Variants in RXRG observed in about 807,000 individuals in gnomAD.
RXRG encodes retinoid X receptor gamma, also known as retinoic acid receptor RXR-gamma.
RXRG carries 19 observed loss-of-function variants against 49.2 expected under a neutral mutation model. That is an observed-to-expected ratio of 0.39 (90% CI 0.27 to 0.57). RXRG has a LOEUF of 0.57. RXRG is among the 20% of genes least tolerant of loss of function. RXRG has a pLI of 0.64. For missense variants in RXRG, 452 were observed against 592.5 expected (o/e 0.76, Z 2.46); for synonymous variants, 224 against 216.6 (o/e 1.03, Z -0.30).
chr1:165,434,272 A>ATATGTGTGTGTG (rs1553223950), intron 1 of RXRG, among the ~76,000 whole-genome samples: 104 of 66,774 alleles, frequency 1.6e-3, no homozygotes, highest in African/African-American at 3.6e-3. Flanking sequence ...AATGAATTGC[A>ATATGTGTGTGTG]TGTGTGTATG....
intron 8 of RXRG, among the ~76,000 whole-genome samples, chr1:165,407,820 T>G (rs1657803538): frequency 6.6e-6 from 1 of 150,446 alleles, no homozygotes; most frequent in African/African-American, 2.4e-5. Flanking sequence ...GAATAAGAAC[T>G]TCATTTTTCC....
In RXRG at chr1:165,445,031, A is replaced by T; in HGVS notation, c.-138T>A. 1.4e-6 allele frequency: 1 copy of T among 735,812 alleles called. No individual in the cohort carries two copies. Among genetic ancestry groups the T allele is most frequent in the Non-Finnish European group, 2.4e-6 (1 of 412,572 alleles). The allele number at this position is 735,812 out of a possible 1,614,324, so 45.6% of individuals were successfully genotyped here. ...CGCTTCCTAGCAGCCCGGGGAGCAC[A>T]GGCTGGGCCAGCCCTCTGGGATTAG... On this transcript the variant is annotated 5_prime_UTR_variant, in exon 1 of 10. Coordinates refer to ENST00000359842, the MANE Select transcript of RXRG (RefSeq NM_006917.5).
chr1:165,402,651 TACAC>T (rs879500174), intron 9 of RXRG, among the ~76,000 whole-genome samples: 37 of 151,758 alleles, frequency 2.4e-4, no homozygotes, highest in Admixed American at 2.2e-3. Flanking sequence ...TACATGCACT[TACAC>T]ACACACCCTC....
chr1:165,412,320 A>G (rs1657980711), intron 4 of RXRG, among the ~76,000 whole-genome samples: 1 of 152,204 alleles, frequency 6.6e-6, no homozygotes, highest in Admixed American at 6.5e-5. Flanking sequence ...TGTCATTGAG[A>G]GAGAGGCAAG....
intron 1 of RXRG, among the ~76,000 whole-genome samples, chr1:165,436,452 T>A (rs1234519241): frequency 2.0e-5 from 3 of 152,212 alleles, no homozygotes; most frequent in Admixed American, 2.0e-4. Context: ...GTTAGCTCCC[T>A]TTATAGAAAA....
chr1:165,442,399 C>A (rs1659035561), intron 1 of RXRG, among the ~76,000 whole-genome samples: 1 of 152,234 alleles, frequency 6.6e-6, no homozygotes, highest in Non-Finnish European at 1.5e-5. Flanking sequence ...TCAAGAATGA[C>A]AAAGAAAAGT....
chr1:165,409,889 T>C (rs1657886595), intron 6 of RXRG, among the ~76,000 whole-genome samples, 199 bp from the exon 7 acceptor site: 2 of 151,872 alleles, frequency 1.3e-5, no homozygotes, highest in Admixed American at 1.3e-4. Context: ...CTTATGGCTC[T>C]GCACATCCCC....
chr1:165,407,738 C>G (rs1312593314), intron 8 of RXRG, among the ~76,000 whole-genome samples: 3 of 152,060 alleles, frequency 2.0e-5, no homozygotes, highest in African/African-American at 7.2e-5. Context: ...TTTTAATGTC[C>G]AAAGACAAGA....
At chr1:165,402,746 GCA>G (rs1017611551) in intron 9 of RXRG, among the ~76,000 whole-genome samples, 38 of 151,256 alleles carry the variant, frequency 2.5e-4, no homozygotes, top group African/African-American at 8.3e-4. Flanking sequence ...ACACACTCAT[GCA>G]CACACACCTT....
chr1:165,430,518 G>A (rs1658642791), intron 1 of RXRG, among the ~76,000 whole-genome samples: 1 of 152,200 alleles, frequency 6.6e-6, no homozygotes, highest in Admixed American at 6.5e-5. Flanking sequence ...TTAGTTGAGG[G>A]CTACTTGTGG....
intron 1 of RXRG, among the ~76,000 whole-genome samples, chr1:165,441,570 C>T (rs1659004638): frequency 6.6e-6 from 1 of 152,214 alleles, no homozygotes; most frequent in African/African-American, 2.4e-5. Context: ...ACAGTACCTA[C>T]TCCTAGGGTT....
At chr1:165,443,777 G>A (rs1350513043) in intron 1 of RXRG, among the ~76,000 whole-genome samples, 1 of 152,186 alleles carries the variant, frequency 6.6e-6, no homozygotes, top group East Asian at 1.9e-4. Context: ...AGGGGGTTCT[G>A]CCCAGCCAAG....
chr1:165,413,248 C>A (rs1410173260), intron 4 of RXRG, among the ~76,000 whole-genome samples: 1 of 152,060 alleles, frequency 6.6e-6, no homozygotes, highest in African/African-American at 2.4e-5. Flanking sequence ...ATCCAGGGAA[C>A]CCTGGATGAT....
rs371848178 is a variant in RXRG, at chr1:165,439,479, G to C, written c.49+5366C>G. ...TGCGGCTTCGAAAGGCTAGCCAGCT[G>C]GTCCGAACTGGGGTTGCGTGAAGCA... is the stretch of plus-strand genomic sequence containing the variant. On this transcript the variant is annotated intron_variant, in intron 1 of 9. Transcript: ENST00000359842. Among the ~76,000 whole-genome samples, 239 of 152,350 alleles carry C rather than the reference G, an allele frequency of 1.6e-3. 1 individual carries two copies. The highest frequency in any genetic ancestry group is 1.9e-3 in the Non-Finnish European group (131 of 68,034).
intron 2 of RXRG, among the ~76,000 whole-genome samples, chr1:165,425,304 C>T (rs915492589): frequency 3.9e-5 from 6 of 152,110 alleles, no homozygotes; most frequent in East Asian, 1.9e-4. Context: ...TCAGATATTA[C>T]GATTTTTATT....
Position 165,401,175 on chromosome 1 carries a change from G to T in RXRG, c.*88C>A, listed in dbSNP as rs1176409917. On this transcript the variant is annotated 3_prime_UTR_variant, in exon 10 of 10. Coordinates refer to ENST00000359842, the MANE Select transcript of RXRG (RefSeq NM_006917.5). ...ATTTTGGGGACAGGAAGGGGGTCAGGGTGGGAGGTGGAGGAAAGTGCAGGG... is the reference window on the plus strand; with the variant it reads ...ATTTTGGGGACAGGAAGGGGGTCAGTGTGGGAGGTGGAGGAAAGTGCAGGG... The T allele has an allele frequency of 1.6e-6, 2 of 1,270,384 alleles. No homozygotes were observed. Among genetic ancestry groups the T allele is most frequent in the East Asian group, 2.3e-5 (1 of 42,878 alleles). The allele number at this position is 1,270,384 out of a possible 1,614,324, so 78.7% of individuals were successfully genotyped here. A position where few individuals can be genotyped will look rare whatever the true frequency, so the allele number is the denominator to read the frequency against.
intron 2 of RXRG, among the ~76,000 whole-genome samples, chr1:165,428,468 G>A (rs529830649): frequency 6.6e-6 from 1 of 152,354 alleles, no homozygotes; most frequent in East Asian, 1.9e-4. Flanking sequence ...GGGCTGAACT[G>A]CTAAAACTAC....
At position 165,406,926 on chromosome 1, in the gene RXRG, C is replaced by T; in HGVS notation, c.1139-9G>A. Reference sequence around the variant, plus strand: ...GGACAGGCCCTTGGCATCTAAAAGACATGACTGAGTTAGCCTTTGATTACA... The same window carrying T: ...GGACAGGCCCTTGGCATCTAAAAGATATGACTGAGTTAGCCTTTGATTACA... On this transcript the variant is annotated splice_polypyrimidine_tract_variant and intron_variant, in intron 8 of 9. Coordinates refer to ENST00000359842, the MANE Select transcript of RXRG (RefSeq NM_006917.5). The T allele has an allele frequency of 6.2e-7, 1 of 1,600,604 alleles. No homozygotes were observed. The highest frequency in any genetic ancestry group is 1.1e-5 in the South Asian group (1 of 90,776).
intron 1 of RXRG, among the ~76,000 whole-genome samples, chr1:165,433,549 A>T (rs1658737690): frequency 6.6e-6 from 1 of 152,234 alleles, no homozygotes; most frequent in African/African-American, 2.4e-5. Flanking sequence ...ATCTAATGAA[A>T]AAGCGCTAGT....
Sources: gnomAD v4.1 joint callset for allele counts (sites outside exome capture counted in the v4.1 genomes callset) on GRCh38, gnomAD v4.1.1 for gene constraint, MANE v1.5 for transcripts, NCBI Gene and HGNC (gene_info 2026-07-23, HGNC 2026-07-21) for gene names.